Variants in CSTF3 observed in about 807,000 individuals in gnomAD.
The protein encoded by CSTF3 is CF-1 77 kDa subunit.
In CSTF3, 29 loss-of-function variants were observed where a neutral mutation model predicts 105.8. The observed-to-expected ratio is 0.27, with a 90% CI of 0.20 to 0.37. CSTF3 has a LOEUF of 0.37. CSTF3 is among the 10% of genes least tolerant of loss of function. CSTF3 has a pLI of 1.00. For synonymous variants in CSTF3, 252 were observed against 281.9 expected (o/e 0.89, Z 1.06); for missense variants, 357 against 879.3 (o/e 0.41, Z 7.51).
intron 3 of CSTF3, among the ~76,000 whole-genome samples, chr11:33,132,960 A>G (rs757609861): frequency 1.3e-5 from 2 of 152,022 alleles, no homozygotes; most frequent in African/African-American, 2.4e-5. Context: ...GTAACATACA[A>G]TATATATAAC....
At chr11:33,154,487 CTTTCTTTTTT>C (rs1384781026) in intron 1 of CSTF3, among the ~76,000 whole-genome samples, 1 of 30,636 alleles carries the variant, frequency 3.3e-5, no homozygotes, top group East Asian at 9.0e-4. Flanking sequence ...CTCCGTAAGA[CTTTCTTTTTT>C]TTTTTTTTTT....
At chr11:33,147,925 T>C (rs1855804587) in intron 1 of CSTF3, among the ~76,000 whole-genome samples, 1 of 152,188 alleles carries the variant, frequency 6.6e-6, no homozygotes, top group African/African-American at 2.4e-5. Flanking sequence ...TTTGTGATTT[T>C]TGCCCTCTGA....
intron 3 of CSTF3, among the ~76,000 whole-genome samples, chr11:33,123,961 T>C (rs1565011514): frequency 6.6e-6 from 1 of 152,102 alleles, no homozygotes; most frequent in Non-Finnish European, 1.5e-5. Context: ...AGGTGACATA[T>C]AACTTTTGAG....
intron 16 of CSTF3, among the ~76,000 whole-genome samples, chr11:33,091,430 TAAG>T (rs1386075242): frequency 6.6e-6 from 1 of 152,174 alleles, no homozygotes; most frequent in Admixed American, 6.5e-5. Context: ...TTATTGTTAA[TAAG>T]AAAGTGAAGA....
At position 33,161,326 on chromosome 11, in the gene CSTF3, G is replaced by A. The variant is rs149343400; in HGVS notation, c.-1C>T. The A allele has an allele frequency of 6.2e-7, 1 of 1,612,754 alleles. No individual in the cohort carries two copies. Among genetic ancestry groups the A allele is most frequent in the Non-Finnish European group, 8.5e-7 (1 of 1,180,036 alleles). On this transcript the variant is annotated 5_prime_UTR_variant, in exon 1 of 21. Coordinates refer to ENST00000323959, the MANE Select transcript of CSTF3 (RefSeq NM_001326.3). ...GCTCCGTGGCTCCGTCTCCTGACATGGCCTCAGCTGATTACAACGTGCGCA... is the reference window on the plus strand; with the variant it reads ...GCTCCGTGGCTCCGTCTCCTGACATAGCCTCAGCTGATTACAACGTGCGCA...
intron 10 of CSTF3, among the ~76,000 whole-genome samples, chr11:33,100,354 CAAA>C (rs71034652): frequency 2.4e-5 from 3 of 127,032 alleles, no homozygotes; most frequent in Admixed American, 8.4e-5. Flanking sequence ...GACTCCATCT[CAAA>C]AAAAAAAAAA....
At chr11:33,124,719 T>C (rs1855526410) in intron 3 of CSTF3, among the ~76,000 whole-genome samples, 1 of 152,308 alleles carries the variant, frequency 6.6e-6, no homozygotes. Flanking sequence ...ATTTAAGTTA[T>C]ACCTACAATT....
At chr11:33,085,864 C>T (rs1228358860) in intron 19 of CSTF3, 31 bp downstream of exon 19, 2 of 1,575,872 alleles carry the variant, frequency 1.3e-6, no homozygotes, top group Admixed American at 3.6e-5. Context: ...CCCACAGAGC[C>T]AGTATCTACC....
chr11:33,153,214 C>A (rs1245006356), intron 1 of CSTF3, among the ~76,000 whole-genome samples: 1 of 151,888 alleles, frequency 6.6e-6, no homozygotes, highest in South Asian at 2.1e-4. Flanking sequence ...CAATCTGTTA[C>A]AATATATTGT....
At chr11:33,097,213 T>A (rs1416772394) in intron 13 of CSTF3, among the ~76,000 whole-genome samples, 1 of 152,244 alleles carries the variant, frequency 6.6e-6, no homozygotes, top group African/African-American at 2.4e-5. Context: ...GTTTTAAATA[T>A]ATTCACAAGG....
chr11:33,122,914 C>CAAAAAAA (rs10600978), intron 3 of CSTF3, among the ~76,000 whole-genome samples: 9 of 83,830 alleles, frequency 1.1e-4, no homozygotes, highest in African/African-American at 3.2e-4. Flanking sequence ...TATCCTGTCT[C>CAAAAAAA]AAAAAAAAAA....
chr11:33,142,210 C>T, intron 1 of CSTF3, among the ~76,000 whole-genome samples: 1 of 151,532 alleles, frequency 6.6e-6, no homozygotes, highest in African/African-American at 2.4e-5. Flanking sequence ...ATTGAAAATA[C>T]TCAGAGAGAA....
intron 3 of CSTF3, among the ~76,000 whole-genome samples, chr11:33,109,779 GA>G (rs1855361802): frequency 6.6e-6 from 1 of 152,078 alleles, no homozygotes; most frequent in Non-Finnish European, 1.5e-5. Context: ...TTTAGGTCAA[GA>G]ATAAGTGTCT....
intron 3 of CSTF3, among the ~76,000 whole-genome samples, chr11:33,122,906 T>C (rs1364927059): frequency 1.8e-5 from 2 of 109,082 alleles, no homozygotes; most frequent in East Asian, 2.6e-4. Flanking sequence ...CACAGTGATA[T>C]CCTGTCTCAA....
chr11:33,138,776 G>C (rs1055692327), intron 3 of CSTF3, among the ~76,000 whole-genome samples: 1 of 151,768 alleles, frequency 6.6e-6, no homozygotes, highest in Non-Finnish European at 1.5e-5. Flanking sequence ...ATAAAGAGTA[G>C]AACAATGTAT....
At chr11:33,087,204 A>G in intron 17 of CSTF3, 63 bp from the exon 18 acceptor site, 1 of 1,551,218 alleles carries the variant, frequency 6.4e-7, no homozygotes, top group East Asian at 2.2e-5. Flanking sequence ...ATAATCATGC[A>G]ATAACCTTGA....
intron 3 of CSTF3, among the ~76,000 whole-genome samples, chr11:33,120,862 TTA>T (rs916300234): frequency 1.3e-5 from 2 of 151,968 alleles, no homozygotes; most frequent in African/African-American, 4.8e-5. Context: ...AGAAAGGTCT[TTA>T]TGAGTCCTAT....
At chr11:33,157,049 ATT>A (rs1309574350) in intron 1 of CSTF3, among the ~76,000 whole-genome samples, 4 of 151,710 alleles carry the variant, frequency 2.6e-5, no homozygotes, top group Non-Finnish European at 5.9e-5. Context: ...TGAATCAGGC[ATT>A]AAAAAAAACA....
intron 3 of CSTF3, chr11:33,140,908 T>G (rs1238868630): frequency 6.6e-6 from 1 of 152,118 alleles, no homozygotes; most frequent in African/African-American, 2.4e-5. Flanking sequence ...TGGTGCCAAT[T>G]GTTATTGACA....
Sources: gnomAD v4.1 joint callset for allele counts (sites outside exome capture counted in the v4.1 genomes callset) on GRCh38, gnomAD v4.1.1 for gene constraint, MANE v1.5 for transcripts, NCBI Gene and HGNC (gene_info 2026-07-23, HGNC 2026-07-21) for gene names.